COL21A1: variants seen among roughly 807,000 people sequenced by gnomAD.
COL21A1 encodes the protein collagen alpha-1(XXI) chain.
COL21A1 carries 149 observed loss-of-function variants against 137.9 expected under a neutral mutation model. The ratio of observed to expected loss-of-function variants is 1.08; its 90% confidence interval spans 0.95 to 1.24. COL21A1 has a LOEUF of 1.24. Among genes scored for constraint, COL21A1 ranks in the 50% most tolerant of loss-of-function variants. COL21A1 has a pLI of 0.00. For missense variants in COL21A1, 1,167 were observed against 1,158.4 expected (o/e 1.01, Z -0.11); for synonymous variants, 456 against 391.5 (o/e 1.16, Z -1.95).
chr6:56,189,512 C>T (rs1181483805), intron 1 of COL21A1, among the ~76,000 whole-genome samples: 2 of 152,072 alleles, frequency 1.3e-5, no homozygotes, highest in Non-Finnish European at 2.9e-5. Flanking sequence ...CTGAAAGTGA[C>T]AGGGAGAATG....
chr6:56,267,133 G>A (rs964078055), intron 1 of COL21A1, among the ~76,000 whole-genome samples: 5 of 152,004 alleles, frequency 3.3e-5, no homozygotes, highest in Non-Finnish European at 7.4e-5. Flanking sequence ...AAATACATAA[G>A]GTGTCATGAA....
At chr6:56,069,773 T>C (rs1766586525) in intron 21 of COL21A1, among the ~76,000 whole-genome samples, 1 of 151,074 alleles carries the variant, frequency 6.6e-6, no homozygotes, top group African/African-American at 2.4e-5. Flanking sequence ...TTATCAACTG[T>C]ATTTTATTTA....
At position 56,112,680 on chromosome 6, in the gene COL21A1, C is replaced by CTTTTTT. The variant is rs777172358; in HGVS notation, c.1759-11161_1759-11156dup. ...CACAGAAGAAGTTTTTTTTTCTTTT[C>CTTTTTT]TTTTTTCTTTTTTTTTTTTTTGAGA... On this transcript the variant is annotated intron_variant, in intron 16 of 29. Coordinates refer to ENST00000244728, the MANE Select transcript of COL21A1 (RefSeq NM_030820.4). Among the ~76,000 whole-genome samples the CTTTTTT allele has an allele frequency of 7.0e-4, 91 of 129,664 alleles. 4 individuals carry two copies. Among genetic ancestry groups the CTTTTTT allele is most frequent in the African/African-American group, 1.2e-3 (41 of 33,986 alleles). 85.1% of individuals were successfully genotyped at this position (129,664 alleles called of 152,430 possible). A position where few individuals can be genotyped will look rare whatever the true frequency, so the allele number is the denominator to read the frequency against.
intron 1 of COL21A1, among the ~76,000 whole-genome samples, chr6:56,380,884 G>C (rs2094007627): frequency 6.6e-6 from 1 of 152,110 alleles, no homozygotes; most frequent in African/African-American, 2.4e-5. Flanking sequence ...CAATGTTAAT[G>C]AACATTATAT....
At position 56,347,871 on chromosome 6, in the gene COL21A1, C is replaced by T. The variant is rs181846355; in HGVS notation, c.-39+46100G>A. ...TATTATTTTTCAGAAATAACAAAACCCATTGATTCTATGTACAGGTAGCTG... is the reference window on the plus strand; with the variant it reads ...TATTATTTTTCAGAAATAACAAAACTCATTGATTCTATGTACAGGTAGCTG... On this transcript the variant is annotated intron_variant, in intron 1 of 28. Coordinates refer to the COL21A1 transcript ENST00000370819. Among the ~76,000 whole-genome samples the T allele has an allele frequency of 7.9e-5, 12 of 152,096 alleles. No homozygotes were observed. In the East Asian group the frequency reaches 2.3e-3, roughly 29 times the overall value.
At chr6:56,132,070 AT>A (rs1263647520) in intron 12 of COL21A1, among the ~76,000 whole-genome samples, 2 of 145,784 alleles carry the variant, frequency 1.4e-5, no homozygotes, top group African/African-American at 5.0e-5. Context: ...CTTTAAAAAT[AT>A]AAAAAATAAA....
At chr6:56,090,865 T>A (rs1768744435) in intron 17 of COL21A1, among the ~76,000 whole-genome samples, 1 of 151,748 alleles carries the variant, frequency 6.6e-6, no homozygotes, top group African/African-American at 2.4e-5. Flanking sequence ...GAGTTTCAAG[T>A]TAAAGTTGGT....
intron 17 of COL21A1, among the ~76,000 whole-genome samples, chr6:56,080,900 G>A (rs1480277143): frequency 6.6e-6 from 1 of 151,762 alleles, no homozygotes; most frequent in Non-Finnish European, 1.5e-5. Context: ...TCAGTAAAGA[G>A]CATAGTAGAA....
At chr6:56,104,019 T>C (rs1442633399) in intron 16 of COL21A1, among the ~76,000 whole-genome samples, 1 of 152,220 alleles carries the variant, frequency 6.6e-6, no homozygotes, top group Non-Finnish European at 1.5e-5. Context: ...TGAACTAGTA[T>C]AACATTATAT....
At chr6:56,273,390 A>C (rs541260473) in intron 1 of COL21A1, among the ~76,000 whole-genome samples, 282 of 152,324 alleles carry the variant, frequency 1.9e-3, no homozygotes, top group Middle Eastern at 0.01. Flanking sequence ...AAAGAAGTGA[A>C]TGAAATTGAG....
chr6:56,062,818 A>C (rs1765924690), intron 24 of COL21A1, among the ~76,000 whole-genome samples: 1 of 152,172 alleles, frequency 6.6e-6, no homozygotes, highest in African/African-American at 2.4e-5. Flanking sequence ...ATAATCCAAC[A>C]ACTAGGACCA....
At chr6:56,209,054 C>G (rs1451106183) in intron 1 of COL21A1, among the ~76,000 whole-genome samples, 1 of 151,964 alleles carries the variant, frequency 6.6e-6, no homozygotes, top group African/African-American at 2.4e-5. Context: ...AAACTGAGAC[C>G]TAAAACAATA....
chr6:56,331,189 T>G (rs945138672), intron 1 of COL21A1, among the ~76,000 whole-genome samples: 31 of 152,232 alleles, frequency 2.0e-4, no homozygotes, highest in African/African-American at 7.2e-4. Flanking sequence ...TTGTAGATTC[T>G]GAATATTAGT....
At chr6:56,267,262 C>T (rs895215466) in intron 1 of COL21A1, among the ~76,000 whole-genome samples, 3 of 152,204 alleles carry the variant, frequency 2.0e-5, no homozygotes, top group Non-Finnish European at 4.4e-5. Flanking sequence ...TTCATCAAAC[C>T]TGCTTCCTCT....
chr6:56,262,587 T>C (rs1159178642), intron 1 of COL21A1, among the ~76,000 whole-genome samples: 2 of 152,276 alleles, frequency 1.3e-5, no homozygotes, highest in African/African-American at 4.8e-5. Flanking sequence ...CCTCTGTAGA[T>C]CTAAAATTGT....
At chr6:56,283,878 T>A (rs62411912) in intron 1 of COL21A1, among the ~76,000 whole-genome samples, 37,497 of 146,664 alleles carry the variant, frequency 0.26, 5,087 homozygotes, top group Non-Finnish European at 0.31. Flanking sequence ...ACACACACTC[T>A]CTCTCTCTCT....
chr6:56,171,130 TA>T lies in COL21A1; in HGVS notation c.641-3del. On this transcript the variant is annotated splice_polypyrimidine_tract_variant and splice_region_variant and intron_variant, in intron 3 of 29. Coordinates refer to ENST00000244728, the MANE Select transcript of COL21A1 (RefSeq NM_030820.4). ...GAATTCGTGTTGGACAGACAGATTC[TA>T]TAAAGCAAAAGCAATAAAAGTTGGT... 1 of 1,577,916 alleles carries T rather than the reference TA, an allele frequency of 6.3e-7. No homozygotes were observed.
intron 17 of COL21A1, among the ~76,000 whole-genome samples, chr6:56,097,468 CTG>C (rs1465173998): frequency 3.3e-5 from 5 of 151,876 alleles, no homozygotes; most frequent in Admixed American, 1.3e-4. Flanking sequence ...GAGGCAGTCA[CTG>C]TGTTTCCCTC....
At chr6:56,269,405 C>T (rs1413162138) in intron 1 of COL21A1, among the ~76,000 whole-genome samples, 3 of 151,996 alleles carry the variant, frequency 2.0e-5, no homozygotes, top group Non-Finnish European at 4.4e-5. Flanking sequence ...CCTGTAATCC[C>T]AGCACTTTGG....
Sources: allele counts gnomAD v4.1 joint callset (sites outside exome capture counted in the v4.1 genomes callset), GRCh38; gene constraint gnomAD v4.1.1; transcripts MANE v1.5; gene names NCBI Gene and HGNC (gene_info 2026-07-23, HGNC 2026-07-21).